WDR54: variants seen among roughly 807,000 people sequenced by gnomAD.
WDR54 encodes WD repeat-containing protein 54.
A neutral mutation model predicts 44.1 loss-of-function variants in WDR54; 44 were observed. That is an observed-to-expected ratio of 1.00 (90% CI 0.78 to 1.28). The LOEUF (loss-of-function observed/expected upper bound fraction) is 1.28. Among genes scored for constraint, WDR54 ranks in the 50% most tolerant of loss-of-function variants. WDR54 has a pLI of 0.00. For missense variants in WDR54, 409 were observed against 429.7 expected, an observed-to-expected ratio of 0.95 and a Z score of 0.43; for synonymous variants, 169 against 169.8, an observed-to-expected ratio of 1.00 and a Z score of 0.04.
At position 74,425,685 on chromosome 2, in the gene WDR54, G is replaced by T; in HGVS notation, c.989G>T (p.Arg330Ile). 6.2e-7 allele frequency: 1 copy of T among 1,614,206 alleles called. No homozygotes were observed. Among genetic ancestry groups the T allele is most frequent in the Non-Finnish European group, 8.5e-7 (1 of 1,180,032 alleles). Residue 330 changes from arginine (R) to isoleucine (I), a missense_variant, in exon 10 of 10, where the codon AGA becomes ATA. Physicochemically the swap from Arg to Ile is moderately conservative, Grantham distance 97. Coordinates refer to ENST00000348227, the MANE Select transcript of WDR54 (RefSeq NM_032118.4). ...GGCTATGACCTTGCGGAGATCCGGAGATTCAGCAGTGTGTGAGAAGAGCAG... is the reference window on the plus strand; with the variant it reads ...GGCTATGACCTTGCGGAGATCCGGATATTCAGCAGTGTGTGAGAAGAGCAG... ...VTGYDLAEIR[R>I]FSSV is the part of the protein sequence containing the mutation.
chr2:74,424,825 G>T, intron 6 of WDR54, 50 bp from the exon 7 acceptor site: 1 of 1,605,464 alleles, frequency 6.2e-7, no homozygotes, highest in South Asian at 1.1e-5. Flanking sequence ...CCTGTATACA[G>T]GACCATAGCA....
chr2:74,423,236 GGGCTAA>G lies in WDR54; in HGVS notation c.286-76_286-71del. ...CCCAGATTTGTTTTGAGGATTAAAT[GGGCTAA>G]GGCTAACACGGATATGTGAAGTACT... On this transcript the variant is annotated intron_variant, in intron 3 of 9. Transcript: ENST00000348227. 2.0e-6 allele frequency: 3 copies of G among 1,485,334 alleles called. No homozygotes were observed. The South Asian group carries it at 3.4e-5, about 17-fold the overall frequency. 92.0% of individuals were successfully genotyped at this position (1,485,334 alleles called of 1,614,324 possible).
chr2:74,423,627 A>T, intron 5 of WDR54, 96 bp downstream of exon 5: 4 of 1,538,914 alleles, frequency 2.6e-6, no homozygotes, highest in Non-Finnish European at 3.6e-6. Context: ...GGAAAGTTAG[A>T]GGGAAGGGTG....
intron 7 of WDR54, 30 bp from the exon 8 acceptor site, chr2:74,425,045 G>A (rs1670308686): frequency 6.2e-7 from 1 of 1,612,644 alleles, no homozygotes; most frequent in Admixed American, 1.7e-5. Flanking sequence ...TTTGATCTGG[G>A]CAAAACAAAG....
Position 74,423,842 on chromosome 2 carries a change from G to C in WDR54, c.407-13G>C, listed in dbSNP as rs1187979264. 1 of 1,613,782 alleles carries C rather than the reference G, an allele frequency of 6.2e-7. No individual in the cohort carries two copies. The highest frequency in any genetic ancestry group is 1.1e-5 in the South Asian group (1 of 91,046). ...TCAGGAAGTCATCACTGGAGTACTG[G>C]TTCTGGATACAGGAACGTGGTCAGG... On this transcript the variant is annotated splice_polypyrimidine_tract_variant and intron_variant, in intron 5 of 9. Transcript: ENST00000348227.
intron 5 of WDR54, 77 bp from the exon 6 acceptor site, chr2:74,423,778 G>C (rs1212842517): frequency 3.8e-6 from 6 of 1,580,264 alleles, no homozygotes; most frequent in Non-Finnish European, 4.3e-6. Flanking sequence ...TTCTGGGATG[G>C]AGTAAGTGTT....
At position 74,422,167 on chromosome 2, in the gene WDR54, A is replaced by C. The variant is rs557411396; in HGVS notation, c.14A>C (p.Glu5Ala). ...CCCCCACACAGGATGTTCCGCTGGG[A>C]GCGCTCCATTCCCCTGCGAGGCTCG... MFRW[E>A]RSIPLRGSAA... Residue 5 changes from glutamate (E) to alanine (A), a missense_variant, in exon 2 of 10, where the codon GAG (glutamate) becomes GCG (alanine). By Grantham distance (107) the Glu-to-Ala change is moderately radical. Transcript: ENST00000348227. 6.2e-7 allele frequency: 1 copy of C among 1,612,826 alleles called. No homozygotes were observed. Among genetic ancestry groups the C allele is most frequent in the African/African-American group, 1.3e-5 (1 of 75,014 alleles).
intron 5 of WDR54, 161 bp downstream of exon 5, chr2:74,423,692 G>C: frequency 1.4e-6 from 2 of 1,425,662 alleles, no homozygotes; most frequent in Non-Finnish European, 1.9e-6. Flanking sequence ...CAGAGGGTCA[G>C]GGTGGGATAA....
intron 6 of WDR54, among the ~76,000 whole-genome samples, chr2:74,424,550 T>A (rs979711345): frequency 6.6e-6 from 1 of 152,208 alleles, no homozygotes. Context: ...GTCATGACTG[T>A]GACTGGTTCA....
rs756706778 is a variant in WDR54, at chr2:74,425,588, G to A, written c.892G>A (p.Glu298Lys). 6 of 1,614,120 alleles carry A rather than the reference G, an allele frequency of 3.7e-6. No individual in the cohort carries two copies. The highest frequency in any genetic ancestry group is 5.1e-6 in the Non-Finnish European group (6 of 1,180,052). ...CCCCCAGGTGGAACACTGTCATGGT[G>A]AGTGTGTCGCCGACACCCAGCTGTG... ...GYIEVEHCHG[E>K]CVADTQLCGA... The change falls in exon 10 of 10, where the codon GAG becomes AAG. Residue 298 changes from glutamate to lysine, a missense_variant. Coordinates refer to ENST00000348227, the MANE Select transcript of WDR54 (RefSeq NM_032118.4).
intron 5 of WDR54, 71 bp downstream of exon 5, chr2:74,423,602 G>A: frequency 6.3e-7 from 1 of 1,579,884 alleles, no homozygotes; most frequent in Non-Finnish European, 8.7e-7. Context: ...AATAATGAGG[G>A]CCTGAGGAAA....
chr2:74,422,060 C>A, intron 1 of WDR54, 93 bp from the exon 2 acceptor site: 1 of 1,322,118 alleles, frequency 7.6e-7, no homozygotes, highest in Non-Finnish European at 1.1e-6. Flanking sequence ...CAGTCTCAGG[C>A]ATCTTCCGAA....
Position 74,425,736 on chromosome 2 carries a change from T to C in WDR54, c.*35T>C, listed in dbSNP as rs1282649421. 2 of 1,613,452 alleles carry C rather than the reference T, an allele frequency of 1.2e-6. No individual in the cohort carries two copies. The highest frequency in any genetic ancestry group is 3.3e-5 in the Admixed American group (2 of 59,996). Reference sequence around the variant, plus strand: ...CCTTCCTTTGTCCCTGTGGTATTCATAAAGTACCCGCTCCACCCAGCCTTT... The same window carrying C: ...CCTTCCTTTGTCCCTGTGGTATTCACAAAGTACCCGCTCCACCCAGCCTTT... On this transcript the variant is annotated 3_prime_UTR_variant, in exon 10 of 10. Coordinates refer to ENST00000348227, the MANE Select transcript of WDR54 (RefSeq NM_032118.4).
intron 2 of WDR54, 163 bp downstream of exon 2, chr2:74,422,538 T>A: frequency 2.4e-6 from 2 of 850,394 alleles, no homozygotes; most frequent in Non-Finnish European, 1.8e-6. Context: ...CTCACGCCTG[T>A]AATCCCAACA....
chr2:74,424,699 C>T (rs531423913), intron 6 of WDR54, among the ~76,000 whole-genome samples, 176 bp from the exon 7 acceptor site: 2 of 152,306 alleles, frequency 1.3e-5, no homozygotes, highest in East Asian at 3.9e-4. Flanking sequence ...TCATGCTTCC[C>T]AAGGGAACCC....
At position 74,422,375 on chromosome 2, in the gene WDR54, G is replaced by C. The variant is rs1015601611; in HGVS notation, c.222G>C (p.Gln74His). Residue 74 changes from glutamine (Q) to histidine (H), a missense_variant and splice_region_variant, in exon 2 of 10, where the codon CAG becomes CAC. By Grantham distance (24) the Gln-to-His change is conservative. Transcript: ENST00000348227. ...GAGTGAGTCCCCCACTTATCACTCA[G>C]GTGAGGCATGGAGCTGGGAGTGATG... ...GAGVSPPLIT[Q>H]VHWCVLPFRV... 1 of 1,611,020 alleles carries C rather than the reference G, an allele frequency of 6.2e-7. No homozygotes were observed. The highest frequency in any genetic ancestry group is 8.5e-7 in the Non-Finnish European group (1 of 1,177,766).
intron 2 of WDR54, 64 bp downstream of exon 2, chr2:74,422,439 A>G: frequency 6.6e-7 from 1 of 1,507,502 alleles, no homozygotes; most frequent in Admixed American, 2.0e-5. Flanking sequence ...TTTCTCTCCA[A>G]ACCTTCAGGA....
chr2:74,425,510 G>A lies in WDR54; in HGVS notation c.873+19G>A. On this transcript the variant is annotated intron_variant, in intron 9 of 9. Transcript: ENST00000348227. ...CATTGAGGTATGTGTCATGGGGTGG[G>A]TGGAATGGGGGGGCCCAAGCATGGG... 6.2e-7 allele frequency: 1 copy of A among 1,614,218 alleles called. No individual in the cohort carries two copies. The highest frequency in any genetic ancestry group is 8.5e-7 in the Non-Finnish European group (1 of 1,180,032).
chr2:74,424,193 A>T (rs1670254188), intron 6 of WDR54, among the ~76,000 whole-genome samples: 1 of 152,228 alleles, frequency 6.6e-6, no homozygotes, highest in South Asian at 2.1e-4. Context: ...TATAATACTG[A>T]TGTGAAATGA....
Sources: gnomAD v4.1 joint callset for allele counts (sites outside exome capture counted in the v4.1 genomes callset) on GRCh38, gnomAD v4.1.1 for gene constraint, MANE v1.5 for transcripts, NCBI Gene and HGNC (gene_info 2026-07-23, HGNC 2026-07-21) for gene names.